Variants in RUNX1 observed in about 807,000 individuals in gnomAD.
RUNX1 encodes the protein runt-related transcription factor 1.
A neutral mutation model predicts 42.8 loss-of-function variants in RUNX1; 19 were observed. That is an observed-to-expected ratio of 0.44 (90% CI 0.31 to 0.65). The LOEUF (loss-of-function observed/expected upper bound fraction) is 0.65, where lower values mean the gene tolerates loss of function less well. Among genes scored for constraint, RUNX1 ranks in the 30% least tolerant of loss-of-function variants. The probability of loss-of-function intolerance (pLI) is 0.07; values close to 1 mark genes in which losing one functional copy is unlikely to be tolerated. For missense variants in RUNX1, 528 were observed against 672.0 expected, an observed-to-expected ratio of 0.79 and a Z score of 2.37; for synonymous variants, 271 against 289.4, an observed-to-expected ratio of 0.94 and a Z score of 0.64.
intron 2 of RUNX1, among the ~76,000 whole-genome samples, chr21:34,979,707 C>T (rs953765009): frequency 6.6e-6 from 1 of 152,228 alleles, no homozygotes; most frequent in Non-Finnish European, 1.5e-5. Context: ...TATTTCACGT[C>T]TGTTTTAAAG....
intron 3 of RUNX1, among the ~76,000 whole-genome samples, chr21:34,889,401 C>A (rs1398893425): frequency 6.6e-6 from 1 of 152,146 alleles, no homozygotes; most frequent in African/African-American, 2.4e-5. Flanking sequence ...TTTACCGCTG[C>A]GCCCGGGCCG....
At chr21:34,893,987 CA>C (rs367907659) in intron 2 of RUNX1, among the ~76,000 whole-genome samples, 136 of 146,778 alleles carry the variant, frequency 9.3e-4, no homozygotes, top group African/African-American at 3.2e-3. Context: ...AAGGAGCATC[CA>C]AAAAAAAACG....
At chr21:34,981,160 G>A (rs1222404818) in intron 2 of RUNX1, among the ~76,000 whole-genome samples, 2 of 152,176 alleles carry the variant, frequency 1.3e-5, no homozygotes, top group South Asian at 4.1e-4. Context: ...ATGAGGAAGC[G>A]GCTTTAATAG....
chr21:34,898,494 A>G (rs973979311), intron 2 of RUNX1, among the ~76,000 whole-genome samples: 2 of 152,164 alleles, frequency 1.3e-5, no homozygotes, highest in Non-Finnish European at 1.5e-5. Flanking sequence ...ATGCTCTCCA[A>G]AAGTTCTATC....
At chr21:34,869,333 CCTATTGAACA>C (rs2057706211) in intron 5 of RUNX1, among the ~76,000 whole-genome samples, 1 of 152,172 alleles carries the variant, frequency 6.6e-6, no homozygotes, top group Non-Finnish European at 1.5e-5. Context: ...CACTCTTAAA[CCTATTGAACA>C]CAGATGGGGA....
chr21:34,956,522 A>T (rs1235321828), intron 2 of RUNX1, among the ~76,000 whole-genome samples: 7 of 152,192 alleles, frequency 4.6e-5, no homozygotes, highest in Non-Finnish European at 8.8e-5. Flanking sequence ...ACTGAAATAA[A>T]AAACACAGTG....
At chr21:34,985,510 A>AT (rs1380380391) in intron 2 of RUNX1, among the ~76,000 whole-genome samples, 2 of 152,214 alleles carry the variant, frequency 1.3e-5, no homozygotes, top group East Asian at 3.9e-4. Flanking sequence ...AGATGACACG[A>AT]TTTTTTCTCT....
intron 2 of RUNX1, among the ~76,000 whole-genome samples, chr21:34,956,001 A>T (rs1057217974): frequency 1.3e-5 from 2 of 152,240 alleles, no homozygotes; most frequent in Admixed American, 1.3e-4. Context: ...AAGCAAAAGT[A>T]TAAAAATAAA....
At chr21:34,793,363 T>C (rs1601335771) in intron 8 of RUNX1, among the ~76,000 whole-genome samples, 1 of 152,160 alleles carries the variant, frequency 6.6e-6, no homozygotes, top group Non-Finnish European at 1.5e-5. Context: ...AGTATAGATA[T>C]AATGTGCAAT....
intron 2 of RUNX1, among the ~76,000 whole-genome samples, chr21:34,965,859 G>A (rs1205478438): frequency 1.3e-5 from 2 of 152,218 alleles, no homozygotes; most frequent in South Asian, 2.1e-4. Flanking sequence ...AAGAGAAGCT[G>A]AGGAGGACAT....
At chr21:34,896,902 G>C (rs1210570581) in intron 2 of RUNX1, among the ~76,000 whole-genome samples, 1 of 152,140 alleles carries the variant, frequency 6.6e-6, no homozygotes, top group Non-Finnish European at 1.5e-5. Context: ...ATGTAGGGAA[G>C]GAGAGAATGA....
At chr21:34,988,813 G>T (rs929045108) in intron 2 of RUNX1, among the ~76,000 whole-genome samples, 1 of 152,152 alleles carries the variant, frequency 6.6e-6, no homozygotes, top group African/African-American at 2.4e-5. Flanking sequence ...TGAGAACACT[G>T]GCTGAACCTG....
intron 2 of RUNX1, among the ~76,000 whole-genome samples, chr21:34,941,231 G>C (rs1167152759): frequency 6.6e-6 from 1 of 152,144 alleles, no homozygotes; most frequent in Non-Finnish European, 1.5e-5. Context: ...GTGCCTCCAG[G>C]GTGCCTGTGG....
Position 34,788,561 on chromosome 21 carries a change from T to C in RUNX1, c.*3574A>G, listed in dbSNP as rs113375138. 0.017 allele frequency: 4,066 copies of C among 232,850 alleles called. 145 individuals are homozygous for C. Among genetic ancestry groups the C allele is most frequent in the African/African-American group, 0.082 (3,737 of 45,360 alleles). The allele number at this position is 232,850 out of a possible 1,614,324, so 14.4% of individuals were successfully genotyped here. The stretch of plus-strand genomic sequence containing the variant: ...GTCCTTAGAAACACACACAAAAAAA[T>C]TGAAAAAAAGTTATAGGCATTAACA... On this transcript the variant is annotated 3_prime_UTR_variant, in exon 9 of 9. Transcript: ENST00000675419.
At chr21:34,872,302 T>C (rs2057749885) in intron 5 of RUNX1, among the ~76,000 whole-genome samples, 1 of 152,184 alleles carries the variant, frequency 6.6e-6, no homozygotes, top group Non-Finnish European at 1.5e-5. Context: ...GGACCTCACC[T>C]GTGTGACATT....
At chr21:34,973,166 A>G (rs2058775147) in intron 2 of RUNX1, among the ~76,000 whole-genome samples, 1 of 152,172 alleles carries the variant, frequency 6.6e-6, no homozygotes, top group Non-Finnish European at 1.5e-5. Flanking sequence ...GCATGCTTAT[A>G]TGGACAAAGG....
chr21:34,953,532 G>T (rs1200591615), intron 2 of RUNX1, among the ~76,000 whole-genome samples: 22 of 152,198 alleles, frequency 1.4e-4, no homozygotes, highest in Admixed American at 1.4e-3. Context: ...TGATGGAGAA[G>T]AAAGATATAA....
chr21:34,988,677 C>G (rs1479002635), intron 2 of RUNX1, among the ~76,000 whole-genome samples: 2 of 152,192 alleles, frequency 1.3e-5, no homozygotes, highest in East Asian at 3.9e-4. Context: ...ATTGGCTCTT[C>G]CCTACTCATC....
At chr21:34,823,343 C>T (rs887280158) in intron 7 of RUNX1, among the ~76,000 whole-genome samples, 1 of 150,216 alleles carries the variant, frequency 6.7e-6, no homozygotes, top group African/African-American at 2.5e-5. Context: ...TGTTGACTTA[C>T]GGAGGCTAAG....
Sources: gnomAD v4.1 joint callset for allele counts (sites outside exome capture counted in the v4.1 genomes callset) on GRCh38, gnomAD v4.1.1 for gene constraint, MANE v1.5 for transcripts, NCBI Gene and HGNC (gene_info 2026-07-23, HGNC 2026-07-21) for gene names.